TNIP2: variants seen among roughly 807,000 people sequenced by gnomAD.
TNIP2 encodes the protein TNFAIP3-interacting protein 2.
A neutral mutation model predicts 43.7 loss-of-function variants in TNIP2; 30 were observed. The observed-to-expected ratio is 0.69, with a 90% CI of 0.51 to 0.93. The LOEUF (loss-of-function observed/expected upper bound fraction) is 0.93, where lower values mean the gene tolerates loss of function less well. TNIP2 is among the 40% of genes least tolerant of loss of function. TNIP2 has a pLI of 0.00. For missense variants in TNIP2, 599 were observed against 591.0 expected (o/e 1.01, Z -0.14); for synonymous variants, 260 against 254.6 (o/e 1.02, Z -0.20).
intron 1 of TNIP2, among the ~76,000 whole-genome samples, chr4:2,755,332 C>G (rs2109497906): frequency 6.6e-6 from 1 of 151,682 alleles, no homozygotes; most frequent in South Asian, 2.1e-4. Flanking sequence ...AATGTGTTCC[C>G]ACACACGAAC....
At position 2,755,999 on chromosome 4, in the gene TNIP2, T is replaced by C; in HGVS notation, c.276+15A>G. Reference sequence around the variant, plus strand: ...ACTCTCGCTCCCGCAGCTCCTCTGGTACCCGCCCTCGTACCTGGCGCATCT... The same window carrying C: ...ACTCTCGCTCCCGCAGCTCCTCTGGCACCCGCCCTCGTACCTGGCGCATCT... On this transcript the variant is annotated intron_variant, in intron 1 of 5. Transcript: ENST00000315423. 13 of 1,537,076 alleles carry C rather than the reference T, an allele frequency of 8.5e-6. No individual in the cohort carries two copies. Among genetic ancestry groups the C allele is most frequent in the Non-Finnish European group, 1.0e-5 (12 of 1,153,922 alleles).
chr4:2,744,847 G>T lies in TNIP2; in HGVS notation c.756C>A (p.His252Gln), dbSNP rs144105800. ...TCTCCTTCCTCATCAGCTCGGGCTCGTGGGGGATCTGCAGCCCCCTGAGCT... is the reference window on the plus strand; with the variant it reads ...TCTCCTTCCTCATCAGCTCGGGCTCTTGGGGGATCTGCAGCCCCCTGAGCT... ...HAQLRGLQIP[H>Q]EPELMRKEIS... Residue 252 changes from histidine (H) to glutamine (Q), a missense_variant, in exon 4 of 6, where the codon CAC becomes CAA. Transcript: ENST00000315423. The surrounding 1 kb of genome is among the most constrained non-coding windows in gnomAD (Gnocchi z 5.1). The T allele has an allele frequency of 2.1e-5, 34 of 1,613,972 alleles. No individual in the cohort carries two copies. The highest frequency in any genetic ancestry group is 2.7e-5 in the Non-Finnish European group (32 of 1,180,046).
At chr4:2,750,952 C>A (rs1284893743) in intron 1 of TNIP2, among the ~76,000 whole-genome samples, 1 of 152,298 alleles carries the variant, frequency 6.6e-6, no homozygotes, top group East Asian at 1.9e-4. Context: ...CTGAGCCCAG[C>A]CCCACACAGA....
chr4:2,744,334 G>A lies in TNIP2; in HGVS notation c.1026+53C>T, dbSNP rs986032990. On this transcript the variant is annotated intron_variant, in intron 5 of 5. Coordinates refer to ENST00000315423, the MANE Select transcript of TNIP2 (RefSeq NM_024309.4). The surrounding 1 kb of genome is among the most constrained non-coding windows in gnomAD (Gnocchi z 5.1). ...CAGAAAGGCTCTAATCTCATGAGAAGAGAAACAAAAACACTAAACCTAAGC... is the reference window on the plus strand; with the variant it reads ...CAGAAAGGCTCTAATCTCATGAGAAAAGAAACAAAAACACTAAACCTAAGC... 2.5e-6 allele frequency: 4 copies of A among 1,610,646 alleles called. No individual in the cohort carries two copies. The highest frequency in any genetic ancestry group is 3.4e-6 in the Non-Finnish European group (4 of 1,177,942).
intron 1 of TNIP2, among the ~76,000 whole-genome samples, chr4:2,754,770 G>C (rs533681512): frequency 6.6e-6 from 1 of 152,342 alleles, no homozygotes; most frequent in East Asian, 1.9e-4. Context: ...TTGTCACCCA[G>C]GTTGGAGTGC....
At chr4:2,754,998 A>G (rs1370605033) in intron 1 of TNIP2, among the ~76,000 whole-genome samples, 1 of 152,184 alleles carries the variant, frequency 6.6e-6, no homozygotes, top group Non-Finnish European at 1.5e-5. Flanking sequence ...TACTGGGATT[A>G]CAGGCGTGAG....
intron 1 of TNIP2, among the ~76,000 whole-genome samples, chr4:2,749,657 G>A (rs1053117596): frequency 1.3e-5 from 2 of 152,186 alleles, no homozygotes; most frequent in East Asian, 1.9e-4. Flanking sequence ...AGAGAGAGCC[G>A]ATGCCTTGGT....
rs763374264 is a variant in TNIP2 at position 2,742,419 on chromosome 4, C to T, written c.1128G>A (p.Arg376=). The change falls in exon 6 of 6, where the codon AGG becomes AGA. Residue 376 remains arginine (R), a synonymous_variant. Transcript: ENST00000315423. ...ALELMVPGGW[R]PGTGSQQPEP... is the part of the protein sequence containing the mutation. Reference sequence around the variant, plus strand: ...CTGGCTGCTGGGACCCAGTCCCAGGCCTCCAGCCACCAGGCACCATAAGCT... The same window carrying T: ...CTGGCTGCTGGGACCCAGTCCCAGGTCTCCAGCCACCAGGCACCATAAGCT... 1 of 1,612,724 alleles carries T rather than the reference C, an allele frequency of 6.2e-7. No individual in the cohort carries two copies. The highest frequency in any genetic ancestry group is 1.3e-5 in the African/African-American group (1 of 74,888).
chr4:2,748,033 G>T, intron 1 of TNIP2, 88 bp from the exon 2 acceptor site: 1 of 1,401,606 alleles, frequency 7.1e-7, no homozygotes, highest in Admixed American at 2.0e-5. Context: ...AAGACCTGGC[G>T]TGGATGCCCC....
In TNIP2 at chr4:2,744,961, C is replaced by G. The variant is rs780377052; in HGVS notation, c.658-16G>C. The G allele has an allele frequency of 1.3e-6, 2 of 1,592,840 alleles. No homozygotes were observed. The highest frequency in any genetic ancestry group is 1.7e-6 in the Non-Finnish European group (2 of 1,164,964). On this transcript the variant is annotated splice_polypyrimidine_tract_variant and intron_variant, in intron 3 of 5. Transcript: ENST00000315423. This position sits in a 1 kb window ranked among gnomAD's most constrained non-coding sequence, Gnocchi z 5.1. Reference sequence around the variant, plus strand: ...GGTCTTCAACCTGAAGAGGTGGAGCCGGAAAGCTCACGGTGAAGGCAGCTG... The same window carrying G: ...GGTCTTCAACCTGAAGAGGTGGAGCGGGAAAGCTCACGGTGAAGGCAGCTG...
Position 2,747,895 on chromosome 4 carries a change from C to T in TNIP2, c.327G>A (p.Gln109=). ...CGTGTTGGGGCTGGCTCAGCAGCTG[C>T]TGCATCTCCCTCTCTTTTTCTTCTA... ...ERLEEKEREM[Q]QLLSQPQHER... The change falls in exon 2 of 6, where the codon CAG becomes CAA. Residue 109 remains glutamine (Q), a synonymous_variant. Coordinates refer to ENST00000315423, the MANE Select transcript of TNIP2 (RefSeq NM_024309.4). The T allele has an allele frequency of 6.2e-7, 1 of 1,613,696 alleles. No individual in the cohort carries two copies. Among genetic ancestry groups the T allele is most frequent in the South Asian group, 1.1e-5 (1 of 91,090 alleles).
At chr4:2,751,597 T>C (rs1407997456) in intron 1 of TNIP2, among the ~76,000 whole-genome samples, 1 of 151,190 alleles carries the variant, frequency 6.6e-6, no homozygotes, top group Non-Finnish European at 1.5e-5. Context: ...TGGCGAGACC[T>C]TGTCTCTACA....
At chr4:2,750,390 G>A (rs992143186) in intron 1 of TNIP2, among the ~76,000 whole-genome samples, 11 of 127,872 alleles carry the variant, frequency 8.6e-5, no homozygotes, top group Non-Finnish European at 1.8e-4. Context: ...ATTACTGCGA[G>A]AACCCTGATT....
intron 1 of TNIP2, among the ~76,000 whole-genome samples, chr4:2,748,468 G>A (rs1415046204): frequency 6.6e-5 from 10 of 152,094 alleles, no homozygotes; most frequent in Non-Finnish European, 1.2e-4. Flanking sequence ...TCAGCCTTCC[G>A]AGTAGCTGGG....
intron 1 of TNIP2, among the ~76,000 whole-genome samples, chr4:2,752,932 C>G (rs1024568424): frequency 1.2e-4 from 18 of 151,692 alleles, no homozygotes; most frequent in African/African-American, 4.1e-4. Flanking sequence ...TTGTGGTAGG[C>G]TCTTCGCCTA....
chr4:2,744,666 C>T lies in TNIP2; in HGVS notation c.906+31G>A. ...CACCACCGGCCAGCAGACATCTGGT[C>T]AGTGCCGTCCGGAGCCCGAGGGACA... On this transcript the variant is annotated intron_variant, in intron 4 of 5. Coordinates refer to ENST00000315423, the MANE Select transcript of TNIP2 (RefSeq NM_024309.4). This position sits in a 1 kb window ranked among gnomAD's most constrained non-coding sequence, Gnocchi z 5.1. 6.3e-7 allele frequency: 1 copy of T among 1,590,662 alleles called. No homozygotes were observed. Among genetic ancestry groups the T allele is most frequent in the Non-Finnish European group, 8.5e-7 (1 of 1,173,114 alleles).
In TNIP2 at chr4:2,742,419, C is replaced by A. The variant is rs763374264; in HGVS notation, c.1128G>T (p.Arg376Ser). 6.2e-7 allele frequency: 1 copy of A among 1,612,842 alleles called. No homozygotes were observed. Among genetic ancestry groups the A allele is most frequent in the South Asian group, 1.1e-5 (1 of 90,864 alleles). Residue 376 changes from arginine to serine, a missense_variant, in exon 6 of 6, where the codon AGG (arginine) becomes AGT (serine). By Grantham distance (110) the Arg-to-Ser change is moderately radical (BLOSUM62 -1). Transcript: ENST00000315423. ...CTGGCTGCTGGGACCCAGTCCCAGG[C>A]CTCCAGCCACCAGGCACCATAAGCT... Reference protein sequence around the residue: ...ALELMVPGGWRPGTGSQQPEP... With the variant: ...ALELMVPGGWSPGTGSQQPEP...
chr4:2,745,594 G>T, intron 2 of TNIP2, 59 bp from the exon 3 acceptor site: 1 of 1,247,092 alleles, frequency 8.0e-7, no homozygotes, highest in Non-Finnish European at 1.2e-6. Context: ...AGGGGAGAAA[G>T]CTAGACCCAG....
Position 2,747,810 on chromosome 4 carries a change from C to T in TNIP2, c.412G>A (p.Ala138Thr), listed in dbSNP as rs1577309208. 1.2e-6 allele frequency: 2 copies of T among 1,613,014 alleles called. No individual in the cohort carries two copies. Among genetic ancestry groups the T allele is most frequent in the Non-Finnish European group, 1.7e-6 (2 of 1,180,042 alleles). The change falls in exon 2 of 6, where the codon GCC (alanine) becomes ACC (threonine). Residue 138 changes from alanine to threonine, a missense_variant. Transcript: ENST00000315423. ...GAGCGGCACAGGACGTCACTGGCGG[C>T]CCGGGCGCGCTCCCCTTCTGCCATG... ...RSMAEGERAR[A>T]ASDVLCRSLA...
Sources: allele counts gnomAD v4.1 joint callset (sites outside exome capture counted in the v4.1 genomes callset), GRCh38; gene constraint gnomAD v4.1.1; non-coding constraint Gnocchi (gnomAD v3.1); transcripts MANE v1.5; gene names NCBI Gene and HGNC (gene_info 2026-07-23, HGNC 2026-07-21).